ARHGAP6: variants seen among roughly 807,000 people sequenced by gnomAD.
ARHGAP6 encodes Rho GTPase activating protein 6, also known as rho GTPase-activating protein 6.
Under a neutral mutation model 55.7 loss-of-function variants are expected in ARHGAP6, and 16 were observed. The observed-to-expected ratio is 0.29, with a 90% CI of 0.19 to 0.44. The LOEUF (loss-of-function observed/expected upper bound fraction) is 0.44, where lower values mean the gene tolerates loss of function less well. Among genes scored for constraint, ARHGAP6 ranks in the 20% least tolerant of loss-of-function variants. The probability of loss-of-function intolerance (pLI) is 1.00; values close to 1 mark genes in which losing one functional copy is unlikely to be tolerated. For missense variants in ARHGAP6, 698 were observed against 808.9 expected, an observed-to-expected ratio of 0.86 and a Z score of 1.66; for synonymous variants, 382 against 360.9, an observed-to-expected ratio of 1.06 and a Z score of -0.66.
chrX:11,585,284 T>C (rs2051718308), intron 1 of ARHGAP6, among the ~76,000 whole-genome samples: 1 of 112,302 alleles, frequency 8.9e-6, no homozygotes, highest in African/African-American at 3.2e-5. Flanking sequence ...TGTATTCCTT[T>C]GGGTATATAG....
chrX:11,475,648 A>G (rs897834902), intron 1 of ARHGAP6, among the ~76,000 whole-genome samples: 4 of 110,056 alleles, frequency 3.6e-5, no homozygotes, highest in African/African-American at 9.9e-5. Flanking sequence ...CTAAAAACTT[A>G]AAAGCTTCCA....
chrX:11,575,476 T>G (rs2051585303), intron 1 of ARHGAP6, among the ~76,000 whole-genome samples: 1 of 111,599 alleles, frequency 9.0e-6, no homozygotes. Context: ...ACTGGCTTAG[T>G]CCTTAGGTAA....
intron 1 of ARHGAP6, among the ~76,000 whole-genome samples, chrX:11,492,339 A>G (rs1166914140): frequency 8.9e-6 from 1 of 111,980 alleles, no homozygotes; most frequent in East Asian, 2.8e-4. Flanking sequence ...AACCATAAAA[A>G]CCCTAGAAGA....
chrX:11,569,779 T>C (rs1242693496), intron 1 of ARHGAP6, among the ~76,000 whole-genome samples: 5 of 111,854 alleles, frequency 4.5e-5, no homozygotes, highest in African/African-American at 1.6e-4. Flanking sequence ...CGCTCAAATA[T>C]TTCTGCTTAA....
chrX:11,385,976 T>C (rs2049323863), intron 1 of ARHGAP6, among the ~76,000 whole-genome samples: 1 of 112,557 alleles, frequency 8.9e-6, no homozygotes, highest in Non-Finnish European at 1.9e-5. Flanking sequence ...AAGCTAAGGC[T>C]TTAAAAAAAT....
chrX:11,550,158 G>A (rs1210127645), intron 1 of ARHGAP6, among the ~76,000 whole-genome samples: 1 of 111,786 alleles, frequency 8.9e-6, no homozygotes, highest in African/African-American at 3.3e-5. Flanking sequence ...GTTGGGGAAA[G>A]GCTGTAATTT....
At chrX:11,145,316 G>A (rs1213959235) in intron 10 of ARHGAP6, among the ~76,000 whole-genome samples, 4 of 112,192 alleles carry the variant, frequency 3.6e-5, no homozygotes, top group Non-Finnish European at 3.8e-5. Flanking sequence ...CATGCAAACT[G>A]GAGGAAGTGC....
chrX:11,504,019 G>A (rs12008462), intron 1 of ARHGAP6, among the ~76,000 whole-genome samples: 1 of 111,052 alleles, frequency 9.0e-6, no homozygotes, highest in Non-Finnish European at 1.9e-5. Context: ...GGAAAAAAAA[G>A]TGGTCTTGGC....
At chrX:11,636,512 C>T (rs1469411464) in intron 1 of ARHGAP6, among the ~76,000 whole-genome samples, 3 of 110,791 alleles carry the variant, frequency 2.7e-5, no homozygotes, top group African/African-American at 9.8e-5. Context: ...TAGGAAGGCT[C>T]CTAAAGCTTC....
intron 2 of ARHGAP6, among the ~76,000 whole-genome samples, chrX:11,241,573 T>TGTGCGC (rs1491462940): frequency 3.1e-5 from 3 of 97,390 alleles, no homozygotes; most frequent in Admixed American, 1.1e-4. Flanking sequence ...TGTGTGTGTG[T>TGTGCGC]GCGCGTGTGT....
chrX:11,249,133 G>C (rs779687851), intron 2 of ARHGAP6, among the ~76,000 whole-genome samples: 60 of 111,628 alleles, frequency 5.4e-4, no homozygotes, highest in African/African-American at 1.8e-3. Context: ...GACCTGGATG[G>C]GATTGGAGAC....
At chrX:11,400,318 G>A (rs1363184271) in intron 1 of ARHGAP6, among the ~76,000 whole-genome samples, 1 of 110,934 alleles carries the variant, frequency 9.0e-6, no homozygotes. Context: ...GACCTTAGAG[G>A]CTTCCAGGGG....
At chrX:11,514,741 T>A (rs1180649150) in intron 1 of ARHGAP6, among the ~76,000 whole-genome samples, 2 of 110,864 alleles carry the variant, frequency 1.8e-5, no homozygotes, top group African/African-American at 6.6e-5. Flanking sequence ...TCTTCTTGAT[T>A]TGACCCACTT....
chrX:11,564,267 G>A (rs2051419123), intron 1 of ARHGAP6, among the ~76,000 whole-genome samples: 1 of 111,288 alleles, frequency 9.0e-6, no homozygotes, highest in African/African-American at 3.3e-5. Flanking sequence ...TATAGTCTCT[G>A]TGAAGTATTT....
Position 11,284,176 on chromosome X carries a change from C to T in ARHGAP6, c.589-29469G>A, listed in dbSNP as rs191250060. ...GTCCCCAACAGTTCTCCGATTTAAGCATTAAAGTTCATCAGAATCATGGGG... is the reference window on the plus strand; with the variant it reads ...GTCCCCAACAGTTCTCCGATTTAAGTATTAAAGTTCATCAGAATCATGGGG... On this transcript the variant is annotated intron_variant, in intron 1 of 12. Transcript: ENST00000337414. Among the ~76,000 whole-genome samples, 181 of 111,558 alleles carry T rather than the reference C, an allele frequency of 1.6e-3. 3 individuals carry two copies. The highest frequency in any genetic ancestry group is 1.1e-3 in the Non-Finnish European group (61 of 53,122).
At chrX:11,477,231 C>T (rs1480389194) in intron 1 of ARHGAP6, among the ~76,000 whole-genome samples, 1 of 110,042 alleles carries the variant, frequency 9.1e-6, no homozygotes, top group Non-Finnish European at 1.9e-5. Context: ...TAATAAATGG[C>T]TGATAGGCAC....
At chrX:11,556,197 A>T (rs2051319047) in intron 1 of ARHGAP6, among the ~76,000 whole-genome samples, 1 of 111,981 alleles carries the variant, frequency 8.9e-6, no homozygotes, top group African/African-American at 3.3e-5. Context: ...TATCATCATC[A>T]TCACCATCAT....
At chrX:11,252,492 G>A (rs946090546) in intron 2 of ARHGAP6, among the ~76,000 whole-genome samples, 1 of 112,429 alleles carries the variant, frequency 8.9e-6, no homozygotes, top group African/African-American at 3.2e-5. Flanking sequence ...AGGCAGGAGG[G>A]CGTTTCTCAA....
chrX:11,306,497 T>C (rs751872835), intron 1 of ARHGAP6, among the ~76,000 whole-genome samples: 4 of 112,606 alleles, frequency 3.6e-5, no homozygotes, highest in South Asian at 7.3e-4. Context: ...TTATTATATT[T>C]CAGGCACTAT....
Sources: gnomAD v4.1 joint callset for allele counts (sites outside exome capture counted in the v4.1 genomes callset) on GRCh38, gnomAD v4.1.1 for gene constraint, MANE v1.5 for transcripts, NCBI Gene and HGNC (gene_info 2026-07-23, HGNC 2026-07-21) for gene names.